Variants in NKAIN2 observed in about 807,000 individuals in gnomAD.
The protein encoded by NKAIN2 is sodium/potassium-transporting ATPase subunit beta-1-interacting protein 2.
NKAIN2 carries 14 observed loss-of-function variants against 32.6 expected under a neutral mutation model. The ratio of observed to expected loss-of-function variants is 0.43; its 90% CI spans 0.28 to 0.67. NKAIN2 has a LOEUF of 0.67. Among genes scored for constraint, NKAIN2 ranks in the 30% least tolerant of loss-of-function variants. NKAIN2 has a pLI of 0.17. For synonymous variants in NKAIN2, 80 were observed against 87.2 expected, an observed-to-expected ratio of 0.92 and a Z score of 0.46; for missense variants, 198 against 258.3, an observed-to-expected ratio of 0.77 and a Z score of 1.60.
intron 3 of NKAIN2, among the ~76,000 whole-genome samples, chr6:124,501,683 T>C (rs1357975184): frequency 6.6e-6 from 1 of 152,142 alleles, no homozygotes; most frequent in Non-Finnish European, 1.5e-5. Context: ...CTCAAGTTTA[T>C]GTCCAACTTC....
intron 1 of NKAIN2, among the ~76,000 whole-genome samples, chr6:123,858,576 A>T (rs1327375113): frequency 6.6e-6 from 1 of 152,238 alleles, no homozygotes; most frequent in African/African-American, 2.4e-5. Flanking sequence ...TCATTAAAGC[A>T]GAAAGTACTG....
At chr6:124,084,440 A>C (rs1473980987) in intron 1 of NKAIN2, among the ~76,000 whole-genome samples, 1 of 152,032 alleles carries the variant, frequency 6.6e-6, no homozygotes, top group Non-Finnish European at 1.5e-5. Context: ...AGATTATACC[A>C]TCTAGGTTCA....
At chr6:124,459,408 A>G (rs138797566) in intron 3 of NKAIN2, among the ~76,000 whole-genome samples, 2 of 152,008 alleles carry the variant, frequency 1.3e-5, no homozygotes, top group East Asian at 3.9e-4. Flanking sequence ...AAGATTGCAT[A>G]TCTTTGTCAT....
chr6:124,173,844 C>T (rs1050479947), intron 1 of NKAIN2, among the ~76,000 whole-genome samples: 7 of 151,922 alleles, frequency 4.6e-5, no homozygotes, highest in African/African-American at 1.4e-4. Context: ...GTTCTTATTC[C>T]TTATTTCTTC....
chr6:124,036,446 T>G (rs1345757239), intron 1 of NKAIN2, among the ~76,000 whole-genome samples: 1 of 152,138 alleles, frequency 6.6e-6, no homozygotes, highest in Admixed American at 6.6e-5. Flanking sequence ...AGTCAAAATA[T>G]TTTTATACTG....
chr6:124,158,581 C>T (rs1442261020), intron 1 of NKAIN2, among the ~76,000 whole-genome samples: 2 of 152,152 alleles, frequency 1.3e-5, no homozygotes, highest in Non-Finnish European at 2.9e-5. Flanking sequence ...AAGTTTGGCA[C>T]TCATCTTCAA....
intron 1 of NKAIN2, among the ~76,000 whole-genome samples, chr6:123,912,206 T>C (rs919059596): frequency 6.6e-6 from 1 of 152,116 alleles, no homozygotes; most frequent in South Asian, 2.1e-4. Context: ...GTCAACAATA[T>C]TCTTGAACGA....
At chr6:124,637,141 G>A (rs1448249377) in intron 3 of NKAIN2, among the ~76,000 whole-genome samples, 1 of 151,976 alleles carries the variant, frequency 6.6e-6, no homozygotes, top group Admixed American at 6.6e-5. Flanking sequence ...CAAGAACCAC[G>A]CGATTCTCTC....
intron 3 of NKAIN2, among the ~76,000 whole-genome samples, chr6:124,391,727 C>T (rs907216664): frequency 6.6e-6 from 1 of 152,094 alleles, no homozygotes; most frequent in African/African-American, 2.4e-5. Context: ...TGTTCAAAGA[C>T]CAGGAAATAA....
chr6:124,582,585 G>T (rs779406522), intron 3 of NKAIN2, among the ~76,000 whole-genome samples: 1 of 151,892 alleles, frequency 6.6e-6, no homozygotes, highest in Non-Finnish European at 1.5e-5. Context: ...AAATAGAGGA[G>T]GGGGAATTCC....
At chr6:124,404,195 C>T (rs1425047891) in intron 3 of NKAIN2, among the ~76,000 whole-genome samples, 3 of 152,026 alleles carry the variant, frequency 2.0e-5, no homozygotes, top group Non-Finnish European at 2.9e-5. Context: ...AAGTTTGAAT[C>T]ACCTTTATTC....
intron 3 of NKAIN2, among the ~76,000 whole-genome samples, chr6:124,520,652 T>C (rs1436084019): frequency 6.6e-6 from 1 of 152,176 alleles, no homozygotes; most frequent in Non-Finnish European, 1.5e-5. Context: ...TGAGTAAAAC[T>C]GTATTTTAGG....
chr6:124,659,731 C>T (rs1784677703), intron 4 of NKAIN2, among the ~76,000 whole-genome samples: 2 of 151,960 alleles, frequency 1.3e-5, no homozygotes, highest in African/African-American at 4.8e-5. Context: ...TCTACATGGG[C>T]ACACACATGC....
At chr6:124,665,163 T>C (rs1562313644) in intron 4 of NKAIN2, among the ~76,000 whole-genome samples, 1 of 151,900 alleles carries the variant, frequency 6.6e-6, no homozygotes, top group Non-Finnish European at 1.5e-5. Flanking sequence ...GAAAAAAAAA[T>C]CCTACAATTC....
At chr6:123,811,823 T>C (rs756400543) in intron 1 of NKAIN2, among the ~76,000 whole-genome samples, 25 of 152,226 alleles carry the variant, frequency 1.6e-4, no homozygotes, top group Non-Finnish European at 2.8e-4. Flanking sequence ...CACCCACCCA[T>C]AAATTTTGTG....
At chr6:124,614,239 C>T (rs1028458431) in intron 3 of NKAIN2, among the ~76,000 whole-genome samples, 1 of 152,058 alleles carries the variant, frequency 6.6e-6, no homozygotes, top group Non-Finnish European at 1.5e-5. Flanking sequence ...ACTAAAAATA[C>T]AAAAATTAGC....
intron 3 of NKAIN2, among the ~76,000 whole-genome samples, chr6:124,431,352 ACT>A (rs1257709974): frequency 6.6e-6 from 1 of 152,062 alleles, no homozygotes; most frequent in Admixed American, 6.6e-5. Flanking sequence ...AACTACTATC[ACT>A]CCACTGCAAA....
chr6:124,249,934 CTT>C (rs1011078198), intron 1 of NKAIN2, among the ~76,000 whole-genome samples: 2 of 152,108 alleles, frequency 1.3e-5, no homozygotes, highest in African/African-American at 4.8e-5. Context: ...AGCAAGGAAA[CTT>C]TTCTGTCTTG....
chr6:124,519,547 A>G (rs1779045673), intron 3 of NKAIN2, among the ~76,000 whole-genome samples: 1 of 152,226 alleles, frequency 6.6e-6, no homozygotes, highest in Non-Finnish European at 1.5e-5. Context: ...GCACATTTAG[A>G]ACAAGGTTAC....
Sources: gnomAD v4.1 joint callset for allele counts (sites outside exome capture counted in the v4.1 genomes callset) on GRCh38, gnomAD v4.1.1 for gene constraint, MANE v1.5 for transcripts, NCBI Gene and HGNC (gene_info 2026-07-23, HGNC 2026-07-21) for gene names.